WNT7B: variants seen among roughly 807,000 people sequenced by gnomAD.
WNT7B encodes Wnt family member 7B.
A neutral mutation model predicts 38.2 loss-of-function variants in WNT7B; 19 were observed. The observed-to-expected ratio is 0.50, with a 90% CI of 0.35 to 0.73. WNT7B has a LOEUF of 0.73. WNT7B is among the 30% of genes least tolerant of loss of function. The probability of loss-of-function intolerance (pLI) is 0.01; values close to 1 mark genes in which losing one functional copy is unlikely to be tolerated. For synonymous variants in WNT7B, 243 were observed against 209.3 expected, an observed-to-expected ratio of 1.16 and a Z score of -1.39; for missense variants, 423 against 507.9, an observed-to-expected ratio of 0.83 and a Z score of 1.61.
Position 45,934,093 on chromosome 22 carries a change from A to G in WNT7B, c.299-2724T>C, listed in dbSNP as rs770141067. 1.6e-4 allele frequency among the ~76,000 whole-genome samples: 24 copies of G among 152,338 alleles called. 1 individual carries two copies. The highest frequency in any genetic ancestry group is 3.4e-3 in the Middle Eastern group (1 of 294). On this transcript the variant is annotated intron_variant, in intron 2 of 3. Coordinates refer to ENST00000339464, the MANE Select transcript of WNT7B (RefSeq NM_058238.3). ...GCTCCCATTTCACCTGGACGTTAGG[A>G]TGAGGCGCGTCCAACCATGATTCCC...
In WNT7B at chr22:45,951,831, G is replaced by A. The variant is rs1360035970; in HGVS notation, c.72-1685C>T. The stretch of plus-strand genomic sequence containing the variant: ...CCACCTTTGGACTACTGTGAGTGAT[G>A]CCGCCATGAACGTGCGGGTAAGGTT... On this transcript the variant is annotated intron_variant, in intron 1 of 3. Coordinates refer to ENST00000339464, the MANE Select transcript of WNT7B (RefSeq NM_058238.3). The surrounding 1 kb of genome is among the most constrained non-coding windows in gnomAD (Gnocchi z 4.8). Among the ~76,000 whole-genome samples the A allele has an allele frequency of 2.0e-5, 3 of 152,358 alleles. No individual in the cohort carries two copies. Among genetic ancestry groups the A allele is most frequent in the Admixed American group, 2.0e-4 (3 of 15,302 alleles).
At chr22:45,949,354 CATT>C (rs1176687711) in intron 2 of WNT7B, among the ~76,000 whole-genome samples, 3 of 149,924 alleles carry the variant, frequency 2.0e-5, no homozygotes. Flanking sequence ...GCCCTCCGGC[CATT>C]GGATTCCCCG....
chr22:45,922,962 G>A lies in WNT7B; in HGVS notation c.944C>T (p.Thr315Ile). 6.2e-7 allele frequency: 1 copy of A among 1,613,452 alleles called. No homozygotes were observed. Among genetic ancestry groups the A allele is most frequent in the Non-Finnish European group, 8.5e-7 (1 of 1,179,884 alleles). The stretch of plus-strand genomic sequence containing the variant: ...CTGCCACACCTTGGTGTACTGGTGG[G>A]TGTTGTAGCCTCGGCCGCAGCACAT... The part of the protein sequence containing the change: ...DTMCCGRGYN[T>I]HQYTKVWQCN... The change falls in exon 4 of 4, where the codon ACC (threonine) becomes ATC (isoleucine). Residue 315 changes from threonine to isoleucine, a missense_variant. This residue lies in a region of WNT7B where 158 missense variants were observed against 214.7 expected (regional missense o/e 0.74). Coordinates refer to ENST00000339464, the MANE Select transcript of WNT7B (RefSeq NM_058238.3).
At chr22:45,932,374 AGGCCCG>A (rs1391359539) in intron 2 of WNT7B, among the ~76,000 whole-genome samples, 1 of 151,812 alleles carries the variant, frequency 6.6e-6, no homozygotes, top group African/African-American at 2.4e-5. Flanking sequence ...GGACCTTCCA[AGGCCCG>A]GGTCTGAGGC....
At position 45,923,028 on chromosome 22, in the gene WNT7B, A is replaced by T; in HGVS notation, c.878T>A (p.Leu293His). 1 of 1,612,846 alleles carries T rather than the reference A, an allele frequency of 6.2e-7. No homozygotes were observed. The highest frequency in any genetic ancestry group is 8.5e-7 in the Non-Finnish European group (1 of 1,179,564). Residue 293 changes from leucine to histidine, a missense_variant, in exon 4 of 4, where the codon CTC (leucine) becomes CAC (histidine). Physicochemically the swap from Leu to His is moderately conservative, Grantham distance 99 (BLOSUM62 -3). Coordinates refer to ENST00000339464, the MANE Select transcript of WNT7B (RefSeq NM_058238.3). ...CGCGCCGGGCGACGTGCGGTTGCAG[A>T]GACGGCCCTGCGTGCCCACGCTGCC... The part of the protein sequence containing the change: ...ATGSVGTQGR[L>H]CNRTSPGADG...
chr22:45,930,116 T>C (rs75662824), intron 3 of WNT7B, among the ~76,000 whole-genome samples: 6,241 of 152,310 alleles, frequency 0.041, 139 homozygotes, highest in East Asian at 0.057. Flanking sequence ...AGCTTCACTC[T>C]GACACTCTCC....
chr22:45,958,572 G>T (rs932381311), intron 1 of WNT7B, among the ~76,000 whole-genome samples: 1 of 152,202 alleles, frequency 6.6e-6, no homozygotes, highest in African/African-American at 2.4e-5. Context: ...AGCTCGGGGG[G>T]CCAAGGGCTA....
rs948350975 is a variant in WNT7B at position 45,966,295 on chromosome 22, T to G, written c.71+10389A>C. Among the ~76,000 whole-genome samples the G allele has an allele frequency of 6.6e-6, 1 of 152,224 alleles. No individual in the cohort carries two copies. Among genetic ancestry groups the G allele is most frequent in the African/African-American group, 2.4e-5 (1 of 41,454 alleles). On this transcript the variant is annotated intron_variant, in intron 1 of 3. Coordinates refer to ENST00000339464, the MANE Select transcript of WNT7B (RefSeq NM_058238.3). This position sits in a 1 kb window ranked among gnomAD's most constrained non-coding sequence, Gnocchi z 4.2. The stretch of plus-strand genomic sequence containing the variant: ...GGGCTTTGCCATCTGTCTCACCACG[T>G]GGGACTGCGCGGGCCTAAGTCTCAG...
intron 2 of WNT7B, among the ~76,000 whole-genome samples, chr22:45,941,913 T>A (rs1376952876): frequency 6.6e-6 from 1 of 151,878 alleles, no homozygotes. Context: ...GAAGAATAGG[T>A]CAGGGGAGGA....
At chr22:45,968,815 G>A (rs1050681310) in intron 1 of WNT7B, among the ~76,000 whole-genome samples, 16 of 152,168 alleles carry the variant, frequency 1.1e-4, no homozygotes, top group South Asian at 4.1e-4. Context: ...TCTATGGAAC[G>A]TTCTACACTT....
chr22:45,943,532 G>A (rs1032433401), intron 2 of WNT7B, among the ~76,000 whole-genome samples: 2 of 152,132 alleles, frequency 1.3e-5, no homozygotes, highest in East Asian at 1.9e-4. Context: ...GCCTGCCCTC[G>A]GGAGTGCTCT....
chr22:45,945,663 G>A (rs116153382), intron 2 of WNT7B, among the ~76,000 whole-genome samples: 63 of 152,338 alleles, frequency 4.1e-4, no homozygotes, highest in African/African-American at 1.5e-3. Flanking sequence ...GGCCTGGCCT[G>A]CAAAGCCCCG....
chr22:45,954,613 C>T (rs1782620245), intron 1 of WNT7B: 8 of 985,278 alleles, frequency 8.1e-6, no homozygotes, highest in South Asian at 4.7e-5. Context: ...CCCTGCGTGC[C>T]CGTGCATGGG....
rs1931116186 is a variant in WNT7B at position 45,927,308 on chromosome 22, A to C, written c.570+3790T>G. 3 of 985,272 alleles carry C rather than the reference A, an allele frequency of 3.0e-6. No individual in the cohort carries two copies. The East Asian group carries it at 3.4e-4, about 112-fold the overall frequency. The allele number at this position is 985,272 out of a possible 1,614,324, so 61.0% of individuals were successfully genotyped here. ...CCATTAAAGGTCACCCCCGCCCCCC[A>C]GGGAGCTTGGGGAAGGGCAGCCAGG... is the stretch of plus-strand genomic sequence containing the variant. On this transcript the variant is annotated intron_variant, in intron 3 of 3. Coordinates refer to ENST00000339464, the MANE Select transcript of WNT7B (RefSeq NM_058238.3).
intron 2 of WNT7B, among the ~76,000 whole-genome samples, chr22:45,948,100 G>A (rs912958037): frequency 1.3e-5 from 2 of 152,336 alleles, no homozygotes; most frequent in African/African-American, 4.8e-5. Context: ...GGATTAGCAG[G>A]AACAGCGAGG....
intron 3 of WNT7B, chr22:45,925,751 GC>G: frequency 1.0e-6 from 1 of 985,382 alleles, no homozygotes; most frequent in Non-Finnish European, 1.2e-6. Flanking sequence ...CCCAGGAGCT[GC>G]CCTGATGGTG....
intron 1 of WNT7B, among the ~76,000 whole-genome samples, chr22:45,974,197 T>C (rs1173952408): frequency 6.6e-6 from 1 of 151,684 alleles, no homozygotes; most frequent in African/African-American, 2.4e-5. Flanking sequence ...GTGAAGGGGG[T>C]GTTGTGACCC....
At chr22:45,971,221 C>T (rs1457430924) in intron 1 of WNT7B, among the ~76,000 whole-genome samples, 9 of 126,970 alleles carry the variant, frequency 7.1e-5, no homozygotes, top group Admixed American at 1.8e-4. Flanking sequence ...CGACCCCGGA[C>T]GTGGCCCGCG....
intron 3 of WNT7B, 80 bp from the exon 4 acceptor site, chr22:45,923,415 C>A: frequency 6.6e-7 from 1 of 1,510,714 alleles, no homozygotes; most frequent in Non-Finnish European, 8.8e-7. Flanking sequence ...TGCCTCTAGC[C>A]CAGCCCTGGA....
Sources: allele counts gnomAD v4.1 joint callset (sites outside exome capture counted in the v4.1 genomes callset), GRCh38; gene constraint gnomAD v4.1.1; regional missense constraint gnomAD v4.1.1; non-coding constraint Gnocchi (gnomAD v3.1); transcripts MANE v1.5; gene names NCBI Gene and HGNC (gene_info 2026-07-23, HGNC 2026-07-21).